WDR20: variants seen among roughly 807,000 people sequenced by gnomAD.
The protein encoded by WDR20 is WD repeat-containing protein 20.
A neutral mutation model predicts 38.7 loss-of-function variants in WDR20; 3 were observed. The ratio of observed to expected loss-of-function variants is 0.08; its 90% CI spans 0.04 to 0.20. WDR20 has a LOEUF of 0.20. Ranked by LOEUF, WDR20 falls within the 10% of genes least tolerant of loss-of-function variation. WDR20 has a pLI of 1.00. For synonymous variants in WDR20, 298 were observed against 285.6 expected (o/e 1.04, Z -0.44); for missense variants, 559 against 727.7 (o/e 0.77, Z 2.67).
intron 1 of WDR20, among the ~76,000 whole-genome samples, chr14:102,188,358 G>A (rs2065401374): frequency 6.6e-6 from 1 of 152,076 alleles, no homozygotes; most frequent in African/African-American, 2.4e-5. Context: ...AGCCCCTCTC[G>A]GGTTCAAGTC....
chr14:102,149,077 A>G (rs112984405), intron 1 of WDR20, among the ~76,000 whole-genome samples: 1,859 of 152,168 alleles, frequency 0.012, 16 homozygotes, highest in Middle Eastern at 0.041. Flanking sequence ...GCAGGAGAAT[A>G]CTTGAACCCG....
intron 2 of WDR20, among the ~76,000 whole-genome samples, chr14:102,202,964 C>T (rs1567037026): frequency 1.3e-5 from 2 of 152,202 alleles, no homozygotes; most frequent in African/African-American, 4.8e-5. Context: ...GGGGTCTTTA[C>T]ACACCCCCGC....
At chr14:102,205,730 CAT>C (rs1350196613) in intron 2 of WDR20, among the ~76,000 whole-genome samples, 1 of 151,764 alleles carries the variant, frequency 6.6e-6, no homozygotes, top group Non-Finnish European at 1.5e-5. Context: ...CTGTCAAGCA[CAT>C]GATTGACAGA....
chr14:102,183,718 A>G (rs2063901449), intron 1 of WDR20, among the ~76,000 whole-genome samples: 2 of 152,216 alleles, frequency 1.3e-5, no homozygotes, highest in South Asian at 4.1e-4. Context: ...GGCCGTTTTC[A>G]CTTAGGATGG....
chr14:102,211,170 C>G (rs1289594444), downstream of WDR20, among the ~76,000 whole-genome samples: 1 of 152,180 alleles, frequency 6.6e-6, no homozygotes, highest in African/African-American at 2.4e-5. The surrounding 1 kb of genome is among the most constrained non-coding windows in gnomAD (Gnocchi z 4.2). Flanking sequence ...ACTATGTATT[C>G]CATGTCAAGA....
intron 1 of WDR20, among the ~76,000 whole-genome samples, chr14:102,177,296 T>C (rs138398463): frequency 1.8e-3 from 268 of 152,340 alleles, no homozygotes; most frequent in Middle Eastern, 0.01. Flanking sequence ...CCAATGCCAT[T>C]GCCCAAGTAT....
intron 2 of WDR20, among the ~76,000 whole-genome samples, chr14:102,198,593 G>A (rs2059800740): frequency 6.6e-6 from 1 of 152,234 alleles, no homozygotes; most frequent in Non-Finnish European, 1.5e-5. Context: ...CTGAAAGAAG[G>A]ACGGTTTACC....
intron 1 of WDR20, among the ~76,000 whole-genome samples, chr14:102,171,782 G>A (rs2060872291): frequency 6.6e-6 from 1 of 151,706 alleles, no homozygotes; most frequent in Non-Finnish European, 1.5e-5. Flanking sequence ...AGTTGGTAAA[G>A]ATTGATAAGA....
chr14:102,144,977 G>A (rs1003113065), intron 1 of WDR20, among the ~76,000 whole-genome samples: 17 of 152,188 alleles, frequency 1.1e-4, no homozygotes, highest in Non-Finnish European at 1.2e-4. Flanking sequence ...GGGATTACAG[G>A]CTCTATGTTC....
downstream of WDR20, chr14:102,214,263 A>C (rs1362818263): frequency 2.0e-6 from 2 of 985,592 alleles, no homozygotes; most frequent in East Asian, 2.3e-4. Flanking sequence ...TGTCTGGAGC[A>C]CACCCTTCGC....
downstream of WDR20, among the ~76,000 whole-genome samples, chr14:102,212,053 A>C (rs117436669): frequency 1.8e-3 from 280 of 152,250 alleles, no homozygotes; most frequent in Non-Finnish European, 3.4e-3. Context: ...GCAGGGGTAC[A>C]CTGACAGGTG....
intron 1 of WDR20, among the ~76,000 whole-genome samples, chr14:102,152,356 G>C (rs1300285144): frequency 2.0e-5 from 3 of 151,794 alleles, no homozygotes; most frequent in Non-Finnish European, 2.9e-5. Flanking sequence ...TATTAATCAT[G>C]TTAATAATAG....
chr14:102,187,836 A>G (rs1000622920), intron 1 of WDR20, among the ~76,000 whole-genome samples: 21 of 152,194 alleles, frequency 1.4e-4, no homozygotes, highest in African/African-American at 5.1e-4. Context: ...AGCGCCAAGT[A>G]TAAAGCTGGT....
downstream of WDR20, among the ~76,000 whole-genome samples, chr14:102,212,245 C>G (rs544175166): frequency 1.3e-5 from 2 of 152,306 alleles, no homozygotes. Flanking sequence ...GGCTTGATAA[C>G]AATCTTTTTC....
intron 2 of WDR20, among the ~76,000 whole-genome samples, chr14:102,206,498 C>G (rs766347882): frequency 6.6e-6 from 1 of 152,106 alleles, no homozygotes; most frequent in Non-Finnish European, 1.5e-5. Flanking sequence ...AACCGTGCTG[C>G]TAGAAGTTTT....
intron 1 of WDR20, among the ~76,000 whole-genome samples, chr14:102,147,638 A>T (rs2054113874): frequency 6.6e-6 from 1 of 152,060 alleles, no homozygotes; most frequent in Admixed American, 6.5e-5. Context: ...CTTTGATGGC[A>T]AACTTGAGCT....
intron 1 of WDR20, among the ~76,000 whole-genome samples, chr14:102,146,163 T>G (rs1327201503): frequency 6.6e-6 from 1 of 151,990 alleles, no homozygotes; most frequent in Non-Finnish European, 1.5e-5. Context: ...TTTGTTTGTT[T>G]GTTTGTTTGT....
At position 102,208,872 on chromosome 14, in the gene WDR20, C is replaced by A. The variant is rs984227810; in HGVS notation, c.702C>A (p.Phe234Leu). 4.3e-6 allele frequency: 7 copies of A among 1,614,098 alleles called. No homozygotes were observed. In the African/African-American group the frequency reaches 5.3e-5, roughly 12 times the overall value. The change falls in exon 3 of 3, where the codon TTC becomes TTA. Residue 234 changes from phenylalanine to leucine, a missense_variant. Physicochemically the swap from Phe to Leu is conservative, Grantham distance 22. Coordinates refer to ENST00000342702, the MANE Select transcript of WDR20 (RefSeq NM_144574.4). The surrounding 1 kb of genome is among the most constrained non-coding windows in gnomAD (Gnocchi z 5.6). ...TTGCTTTCTCCCCAGATGGCAAGTT[C>A]TTAGCGTGCGTGAGCCAGGACGGGT... Reference protein sequence around the residue: ...NEFAFSPDGKFLACVSQDGFL... With the variant: ...NEFAFSPDGKLLACVSQDGFL...
chr14:102,219,156 G>A (rs150575954), downstream of WDR20, among the ~76,000 whole-genome samples: 37 of 152,302 alleles, frequency 2.4e-4, no homozygotes, highest in East Asian at 5.8e-4. Context: ...TCTGTTTCTC[G>A]TCTTCCTCTT....
Sources: gnomAD v4.1 joint callset for allele counts (sites outside exome capture counted in the v4.1 genomes callset) on GRCh38, gnomAD v4.1.1 for gene constraint, Gnocchi (gnomAD v3.1) non-coding constraint, MANE v1.5 for transcripts, NCBI Gene and HGNC (gene_info 2026-07-23, HGNC 2026-07-21) for gene names.